Variants in TCF12 observed in about 807,000 individuals in gnomAD.
The protein encoded by TCF12 is transcription factor 12.
In TCF12, 45 loss-of-function variants were observed where a neutral mutation model predicts 86.0. The observed-to-expected ratio is 0.52, with a 90% CI of 0.41 to 0.67. TCF12 has a LOEUF of 0.67. Among genes scored for constraint, TCF12 ranks in the 30% least tolerant of loss-of-function variants. The pLI is 0.00. For synonymous variants in TCF12, 330 were observed against 299.6 expected (o/e 1.10, Z -1.05); for missense variants, 881 against 859.9 (o/e 1.02, Z -0.31).
intron 3 of TCF12, among the ~76,000 whole-genome samples, chr15:57,001,821 G>A (rs2064055574): frequency 6.6e-6 from 1 of 152,146 alleles, no homozygotes; most frequent in Non-Finnish European, 1.5e-5. Context: ...TCTAGAGGTT[G>A]TCTTTTTTGT....
chr15:57,101,992 TG>T (rs2151176983), intron 5 of TCF12, among the ~76,000 whole-genome samples: 1 of 152,338 alleles, frequency 6.6e-6, no homozygotes, highest in Admixed American at 6.5e-5. Flanking sequence ...CTAAGGTCTG[TG>T]GTCCAGCATA....
chr15:57,003,617 A>G (rs1204874416), intron 3 of TCF12, among the ~76,000 whole-genome samples: 1 of 152,260 alleles, frequency 6.6e-6, no homozygotes, highest in Non-Finnish European at 1.5e-5. Flanking sequence ...AGCTGAAGCA[A>G]GAAAGCCTAT....
chr15:56,927,418 C>T (rs748075106), intron 3 of TCF12, among the ~76,000 whole-genome samples: 2 of 152,028 alleles, frequency 1.3e-5, no homozygotes, highest in African/African-American at 2.4e-5. Flanking sequence ...CTTATAGTTC[C>T]GTTTGCAAAG....
At position 57,160,825 on chromosome 15, in the gene TCF12, C is replaced by T. The variant is rs186191756; in HGVS notation, c.326-5577C>T. Among the ~76,000 whole-genome samples the T allele has an allele frequency of 2.4e-3, 363 of 151,848 alleles. 1 individual carries two copies. Among genetic ancestry groups the T allele is most frequent in the Non-Finnish European group, 3.0e-3 (206 of 67,920 alleles). ...CTCCCACCTCAGTCTCCTGTGACTA[C>T]AGGTATGCACCACCATGCCCAGCTA... On this transcript the variant is annotated intron_variant, in intron 5 of 20. Coordinates refer to ENST00000333725, the MANE Select transcript of TCF12 (RefSeq NM_207037.2).
rs1178633712 is a variant in TCF12 at position 57,162,052 on chromosome 15, C to G, written c.326-4350C>G. ...ACCGATACCTATACACACTCACACC[C>G]CCGCAACACAAGAGTGTAGTAAAAA... is the stretch of plus-strand genomic sequence containing the variant. On this transcript the variant is annotated intron_variant, in intron 5 of 20. Transcript: ENST00000333725. Among the ~76,000 whole-genome samples the G allele has an allele frequency of 3.9e-5, 6 of 152,136 alleles. No individual in the cohort carries two copies. The East Asian group carries it at 1.2e-3, about 29-fold the overall frequency.
At chr15:57,222,802 A>G (rs2058668047) in intron 8 of TCF12, among the ~76,000 whole-genome samples, 1 of 70,726 alleles carries the variant, frequency 1.4e-5, no homozygotes, top group East Asian at 4.7e-4. Context: ...TTTACTTTTA[A>G]GATTCTGGAG....
At chr15:57,217,597 A>G (rs1266992192) in intron 8 of TCF12, among the ~76,000 whole-genome samples, 1 of 152,194 alleles carries the variant, frequency 6.6e-6, no homozygotes, top group African/African-American at 2.4e-5. Context: ...AGCGATGATT[A>G]TAAAAATGTT....
intron 6 of TCF12, among the ~76,000 whole-genome samples, chr15:57,173,348 G>A (rs1476075622): frequency 6.6e-6 from 1 of 152,048 alleles, no homozygotes; most frequent in African/African-American, 2.4e-5. Flanking sequence ...AACTTAGCTA[G>A]AAAAAGAAAC....
chr15:57,122,915 TAAGC>T (rs1392259228), intron 5 of TCF12, among the ~76,000 whole-genome samples: 2 of 152,324 alleles, frequency 1.3e-5, no homozygotes, highest in East Asian at 3.9e-4. Context: ...ATAAAATAGA[TAAGC>T]AGAGCAGACC....
chr15:57,076,742 T>C (rs2070094390), intron 4 of TCF12, among the ~76,000 whole-genome samples: 1 of 152,172 alleles, frequency 6.6e-6, no homozygotes, highest in South Asian at 2.1e-4. Flanking sequence ...GTTTGACTGC[T>C]AGTAGCAGTC....
intron 3 of TCF12, among the ~76,000 whole-genome samples, chr15:56,946,798 C>CCTTTTTTTTTTTT (rs2061018263): frequency 8.8e-6 from 1 of 113,544 alleles, no homozygotes. Flanking sequence ...TCTAAAGTAC[C>CCTTTTTTTTTTTT]TTTTTTTTTT....
intron 13 of TCF12, among the ~76,000 whole-genome samples, chr15:57,249,632 A>G (rs1207584856): frequency 1.3e-5 from 2 of 152,194 alleles, no homozygotes; most frequent in African/African-American, 2.4e-5. Flanking sequence ...AAAATGAACT[A>G]TAATAGTTCT....
chr15:57,214,557 CAATTTAG>C (rs2058254345), intron 8 of TCF12, among the ~76,000 whole-genome samples: 1 of 152,142 alleles, frequency 6.6e-6, no homozygotes, highest in African/African-American at 2.4e-5. Context: ...TTCTAAAACT[CAATTTAG>C]ACTTGAGATA....
chr15:57,074,148 A>G (rs1353713619), intron 4 of TCF12, among the ~76,000 whole-genome samples: 2 of 152,144 alleles, frequency 1.3e-5, no homozygotes, highest in African/African-American at 4.8e-5. Context: ...GATGAATCAG[A>G]CAGGTTTGCT....
chr15:57,054,142 A>AGT (rs1346481378), intron 3 of TCF12, among the ~76,000 whole-genome samples: 1 of 152,174 alleles, frequency 6.6e-6, no homozygotes, highest in Non-Finnish European at 1.5e-5. Flanking sequence ...AGAGAGGCAG[A>AGT]GTGTGTTGTC....
chr15:57,089,895 C>T (rs1483485720), intron 4 of TCF12, among the ~76,000 whole-genome samples: 2 of 152,036 alleles, frequency 1.3e-5, no homozygotes, highest in African/African-American at 4.8e-5. Flanking sequence ...TGATTTGTCC[C>T]TTAGTATTCA....
rs3838866 is a variant in TCF12 at position 57,231,365 on chromosome 15, A to ATT, written c.685+115_685+116dup. 452 of 743,474 alleles carry ATT rather than the reference A, an allele frequency of 6.1e-4. 2 individuals carry two copies. The highest frequency in any genetic ancestry group is 4.4e-3 in the African/African-American group (244 of 55,696). 46.1% of individuals were successfully genotyped at this position (743,474 alleles called of 1,614,324 possible). A position where few individuals can be genotyped will look rare whatever the true frequency, so the allele number is the denominator to read the frequency against. On this transcript the variant is annotated intron_variant, in intron 9 of 20. Transcript: ENST00000333725. Reference sequence around the variant, plus strand: ...ACCTATATTCAGGCCTTATTTAGGCATTTTTTTTGGCTAAATTAAAATTTA... The same window carrying ATT: ...ACCTATATTCAGGCCTTATTTAGGCATTTTTTTTTTGGCTAAATTAAAATTTA...
chr15:57,082,501 T>C (rs1596449342), intron 4 of TCF12, among the ~76,000 whole-genome samples: 1 of 152,236 alleles, frequency 6.6e-6, no homozygotes, highest in South Asian at 2.1e-4. Context: ...GGCAAAGGAC[T>C]GCCTTTGGAC....
Position 57,173,110 on chromosome 15 carries a change from A to G in TCF12, c.390+6644A>G, listed in dbSNP as rs1202305009. The stretch of plus-strand genomic sequence containing the variant: ...TCTCAAAAACCAATGTCAGTAAGAT[A>G]TCTAGAAAAACACCAGATGTTCAGA... On this transcript the variant is annotated intron_variant, in intron 6 of 20. Coordinates refer to ENST00000333725, the MANE Select transcript of TCF12 (RefSeq NM_207037.2). Among the ~76,000 whole-genome samples, 8 of 152,312 alleles carry G rather than the reference A, an allele frequency of 5.3e-5. No individual in the cohort carries two copies. The East Asian group carries it at 1.4e-3, about 26-fold the overall frequency.
Sources: allele counts gnomAD v4.1 joint callset (sites outside exome capture counted in the v4.1 genomes callset), GRCh38; gene constraint gnomAD v4.1.1; transcripts MANE v1.5; gene names NCBI Gene and HGNC (gene_info 2026-07-23, HGNC 2026-07-21).